The following PEAK1 variants were observed in gnomAD, a reference collection of about 807,000 sequenced individuals.
PEAK1 encodes pseudopodium enriched atypical kinase 1, also known as inactive tyrosine-protein kinase PEAK1.
Under a neutral mutation model 124.7 loss-of-function variants are expected in PEAK1, and 54 were observed. The ratio of observed to expected loss-of-function variants is 0.43; its 90% CI spans 0.35 to 0.54. The LOEUF is 0.54. Among genes scored for constraint, PEAK1 ranks in the 20% least tolerant of loss-of-function variants. The pLI, the probability that PEAK1 is intolerant of heterozygous loss-of-function variation, is 0.01. For missense variants in PEAK1, 2,046 were observed against 2,134.5 expected (o/e 0.96, Z 0.82); for synonymous variants, 719 against 760.0 (o/e 0.95, Z 0.89).
At chr15:77,316,125 C>G (rs2064854345) in intron 2 of PEAK1, among the ~76,000 whole-genome samples, 1 of 152,148 alleles carries the variant, frequency 6.6e-6, no homozygotes, top group African/African-American at 2.4e-5. Context: ...CAATAGCTAA[C>G]TGTAATGCCA....
intron 6 of PEAK1, among the ~76,000 whole-genome samples, chr15:77,228,562 CA>C (rs2059776421): frequency 2.6e-5 from 4 of 152,080 alleles, no homozygotes; most frequent in Non-Finnish European, 4.4e-5. Flanking sequence ...ATTAAAATAT[CA>C]CACCTTTGCC....
At chr15:77,415,271 T>A (rs531170347) in intron 1 of PEAK1, among the ~76,000 whole-genome samples, 3 of 152,350 alleles carry the variant, frequency 2.0e-5, no homozygotes, top group Admixed American at 2.0e-4. Flanking sequence ...AGTTTCCTAG[T>A]CATGTGTCTG....
intron 2 of PEAK1, among the ~76,000 whole-genome samples, chr15:77,312,132 A>C (rs1206015564): frequency 1.3e-5 from 2 of 152,174 alleles, no homozygotes; most frequent in Non-Finnish European, 2.9e-5. Context: ...AGTTAGAGAA[A>C]ATAAAGGGAC....
intron 1 of PEAK1, chr15:77,419,427 C>T: frequency 5.1e-6 from 5 of 985,394 alleles, no homozygotes; most frequent in Non-Finnish European, 6.0e-6. Context: ...ACTCACAACC[C>T]CCAAACGACC....
intron 2 of PEAK1, chr15:77,336,044 T>C (rs1034723065): frequency 1.0e-6 from 1 of 985,242 alleles, no homozygotes; most frequent in Admixed American, 6.2e-5. Flanking sequence ...TTTTTGAAGG[T>C]AAGATAACAA....
chr15:77,113,987 T>A lies in PEAK1; in HGVS notation c.*169A>T. ...AGTTAAGACAGACTCAGCTTCTCATTCAATCTGGGGCAGTGGATAACCTTT... is the reference window on the plus strand; with the variant it reads ...AGTTAAGACAGACTCAGCTTCTCATACAATCTGGGGCAGTGGATAACCTTT... On this transcript the variant is annotated 3_prime_UTR_variant, in exon 10 of 10. Transcript: ENST00000682557. The A allele has an allele frequency of 4.4e-6, 3 of 678,596 alleles. No homozygotes were observed. The highest frequency in any genetic ancestry group is 7.4e-6 in the Non-Finnish European group (3 of 407,666). 42.0% of individuals were successfully genotyped at this position (678,596 alleles called of 1,614,324 possible).
chr15:77,176,677 A>G (rs17382798), intron 7 of PEAK1, among the ~76,000 whole-genome samples: 41,536 of 152,102 alleles, frequency 0.27, 6,713 homozygotes, highest in Middle Eastern at 0.38. Flanking sequence ...TGTATAACCT[A>G]ATTGTGAAAA....
intron 2 of PEAK1, among the ~76,000 whole-genome samples, chr15:77,319,888 T>C (rs2065091334): frequency 6.6e-6 from 1 of 152,170 alleles, no homozygotes; most frequent in South Asian, 2.1e-4. Flanking sequence ...ACTTTCTTCA[T>C]TTGCAAAGTG....
At chr15:77,354,162 C>T (rs1191196) in intron 2 of PEAK1, among the ~76,000 whole-genome samples, 49,075 of 151,950 alleles carry the variant, frequency 0.32, 8,583 homozygotes, top group East Asian at 0.63. Flanking sequence ...CTCAGAGAAA[C>T]ATCAAACTAA....
chr15:77,105,347 T>TGCGC (rs1360221833), downstream of PEAK1: 3 of 136,130 alleles, frequency 2.2e-5, no homozygotes, highest in African/African-American at 9.5e-5. Context: ...TGTGTGTGTG[T>TGCGC]GTGTGTGTGT....
chr15:77,325,089 C>CA (rs1475587032), intron 2 of PEAK1, among the ~76,000 whole-genome samples: 1 of 151,992 alleles, frequency 6.6e-6, no homozygotes. Context: ...GGAAAAGAAA[C>CA]AAAAACAAAA....
intron 6 of PEAK1, among the ~76,000 whole-genome samples, chr15:77,223,888 T>G (rs1467104981): frequency 1.4e-4 from 9 of 66,438 alleles, no homozygotes; most frequent in Admixed American, 1.0e-3. Flanking sequence ...TTTGAGAGAT[T>G]TTTTTTTTTT....
Position 77,181,073 on chromosome 15 carries a change from A to C in PEAK1, c.854T>G (p.Phe285Cys). Residue 285 changes from phenylalanine to cysteine, a missense_variant, in exon 7 of 10, where the codon TTC (phenylalanine) becomes TGC (cysteine). Phe to Cys is a radical substitution (Grantham distance 205). Transcript: ENST00000682557. ...FRANTLSPVR[F>C]FVDKKWNTIP... ...GGTATTCCATTTTTTGTCCACAAAG[A>C]ATCGAACAGGAGACAATGTGTTTGC... 1 of 1,614,228 alleles carries C rather than the reference A, an allele frequency of 6.2e-7. No homozygotes were observed. Among genetic ancestry groups the C allele is most frequent in the East Asian group, 2.2e-5 (1 of 44,890 alleles).
At chr15:77,415,837 C>G (rs1270097402) in intron 1 of PEAK1, among the ~76,000 whole-genome samples, 1 of 152,202 alleles carries the variant, frequency 6.6e-6, no homozygotes, top group South Asian at 2.1e-4. Context: ...GCCCACCAAA[C>G]ACACACATAT....
intron 6 of PEAK1, among the ~76,000 whole-genome samples, chr15:77,218,638 A>T (rs1415806329): frequency 1.3e-5 from 2 of 151,934 alleles, no homozygotes; most frequent in African/African-American, 4.8e-5. Context: ...GTGGTTATTC[A>T]CAGGCACAAT....
rs1313389582 is a variant in PEAK1 at position 77,180,730 on chromosome 15, T to A, written c.1197A>T (p.Ser399=). The A allele has an allele frequency of 1.3e-5, 21 of 1,613,978 alleles. No individual in the cohort carries two copies. The highest frequency in any genetic ancestry group is 1.5e-5 in the Non-Finnish European group (18 of 1,180,000). The change falls in exon 7 of 10, where the codon TCA becomes TCT. Residue 399 remains serine (S), a synonymous_variant. Coordinates refer to ENST00000682557, the MANE Select transcript of PEAK1 (RefSeq NM_001385026.1). ...TTATTGAGCTTTTGGAAGCCTGTGA[T>A]GAATCTTTATCCTGATTATTACTAG... ...SPSSNNQDKD[S]SQASKSSIKV...
chr15:77,283,793 A>G, intron 5 of PEAK1, 90 bp downstream of exon 5: 1 of 550,044 alleles, frequency 1.8e-6, no homozygotes, highest in Non-Finnish European at 2.3e-6. Flanking sequence ...CAAGGATATT[A>G]AAAGTCAATT....
At chr15:77,369,873 T>C (rs1447043996) in intron 1 of PEAK1, among the ~76,000 whole-genome samples, 1 of 152,080 alleles carries the variant, frequency 6.6e-6, no homozygotes, top group Non-Finnish European at 1.5e-5. Flanking sequence ...TCAAAAGTGC[T>C]TTACATCTCA....
At chr15:77,354,148 C>T (rs1359570999) in intron 2 of PEAK1, among the ~76,000 whole-genome samples, 1 of 152,212 alleles carries the variant, frequency 6.6e-6, no homozygotes, top group Non-Finnish European at 1.5e-5. Context: ...CTCCACTCAA[C>T]TATCTCAGAG....
Sources: allele counts gnomAD v4.1 joint callset (sites outside exome capture counted in the v4.1 genomes callset), GRCh38; gene constraint gnomAD v4.1.1; transcripts MANE v1.5; gene names NCBI Gene and HGNC (gene_info 2026-07-23, HGNC 2026-07-21).